The following NME7 variants were observed in gnomAD, a reference collection of about 807,000 sequenced individuals.
NME7 encodes the protein NME/NM23 family member 7, also known as nucleoside diphosphate kinase 7.
Under a neutral mutation model 49.1 loss-of-function variants are expected in NME7, and 41 were observed. The ratio of observed to expected loss-of-function variants is 0.83; its 90% CI spans 0.65 to 1.08. NME7 has a LOEUF of 1.08. Among genes scored for constraint, NME7 ranks in the 50% least tolerant of loss-of-function variants. The probability of loss-of-function intolerance (pLI) is 0.00; values close to 1 mark genes in which losing one functional copy is unlikely to be tolerated. For synonymous variants in NME7, 139 were observed against 150.6 expected (o/e 0.92, Z 0.56); for missense variants, 423 against 463.4 (o/e 0.91, Z 0.80).
chr1:169,245,222 C>T (rs1648261826), intron 7 of NME7, among the ~76,000 whole-genome samples: 2 of 152,008 alleles, frequency 1.3e-5, no homozygotes, highest in South Asian at 2.1e-4. Flanking sequence ...GCCAATGAGC[C>T]CCTTACACTG....
chr1:169,136,155 T>C (rs1658423193), intron 11 of NME7, among the ~76,000 whole-genome samples: 1 of 152,068 alleles, frequency 6.6e-6, no homozygotes, highest in Non-Finnish European at 1.5e-5. Context: ...TGGTCTGTCT[T>C]TTGGAGTGCT....
chr1:169,236,236 C>T (rs1033077451), intron 8 of NME7, among the ~76,000 whole-genome samples: 2 of 152,082 alleles, frequency 1.3e-5, no homozygotes, highest in African/African-American at 2.4e-5. Context: ...TTTATTTAAT[C>T]TGCTGAGTAA....
intron 11 of NME7, among the ~76,000 whole-genome samples, chr1:169,159,432 CTATT>C (rs1659177626): frequency 6.6e-6 from 1 of 152,128 alleles, no homozygotes; most frequent in Admixed American, 6.5e-5. Flanking sequence ...TTTAAGGTCT[CTATT>C]TACTAGTGAC....
chr1:169,184,615 T>A (rs957838849), intron 10 of NME7, among the ~76,000 whole-genome samples: 4 of 152,230 alleles, frequency 2.6e-5, no homozygotes, highest in Non-Finnish European at 4.4e-5. Context: ...GGTCATTACC[T>A]AATTTGTTGA....
chr1:169,168,798 G>A (rs1659491587), intron 11 of NME7: 1 of 450,494 alleles, frequency 2.2e-6, no homozygotes, highest in South Asian at 1.6e-5. Flanking sequence ...TATATGTTAT[G>A]CACTCATAAT....
intron 10 of NME7, among the ~76,000 whole-genome samples, chr1:169,229,934 A>G (rs143415954): frequency 4.6e-5 from 7 of 151,934 alleles, no homozygotes; most frequent in East Asian, 3.9e-4. Context: ...TGCACTCTAC[A>G]CTGGGCAACA....
At chr1:169,299,756 C>A (rs945671309) in intron 5 of NME7, among the ~76,000 whole-genome samples, 1 of 151,998 alleles carries the variant, frequency 6.6e-6, no homozygotes, top group Non-Finnish European at 1.5e-5. Flanking sequence ...ACAGCATGTA[C>A]AAAAAAGTAT....
At chr1:169,184,881 C>T (rs1223941317) in intron 10 of NME7, among the ~76,000 whole-genome samples, 1 of 152,092 alleles carries the variant, frequency 6.6e-6, no homozygotes, top group Non-Finnish European at 1.5e-5. Context: ...AATATTCCTA[C>T]CAAGGCAGAG....
At chr1:169,294,030 T>C (rs909440118) in intron 6 of NME7, among the ~76,000 whole-genome samples, 4 of 152,142 alleles carry the variant, frequency 2.6e-5, no homozygotes, top group African/African-American at 9.6e-5. Flanking sequence ...TGTATACTAA[T>C]ATTACATCCA....
At chr1:169,134,850 G>C (rs1436498532) in intron 11 of NME7, among the ~76,000 whole-genome samples, 1 of 151,690 alleles carries the variant, frequency 6.6e-6, no homozygotes, top group Non-Finnish European at 1.5e-5. Context: ...AGTGATAAAT[G>C]GTTGGCTAAA....
At chr1:169,184,228 G>A (rs1200073) in intron 10 of NME7, among the ~76,000 whole-genome samples, 3,130 of 151,722 alleles carry the variant, frequency 0.021, 109 homozygotes, top group African/African-American at 0.072. Flanking sequence ...GTAGTGTTCA[G>A]AATGTATTAT....
At chr1:169,334,849 G>A (rs866202250) in intron 1 of NME7, among the ~76,000 whole-genome samples, 9 of 151,766 alleles carry the variant, frequency 5.9e-5, no homozygotes, top group South Asian at 2.1e-4. Flanking sequence ...AATTTACAAG[G>A]AACTTAAACA....
At chr1:169,226,670 T>G (rs1647354405) in intron 10 of NME7, among the ~76,000 whole-genome samples, 1 of 152,186 alleles carries the variant, frequency 6.6e-6, no homozygotes. Context: ...CATTCAAAAG[T>G]TCATTAACTT....
intron 10 of NME7, among the ~76,000 whole-genome samples, chr1:169,211,133 G>A (rs1037145149): frequency 4.8e-4 from 73 of 151,978 alleles, no homozygotes; most frequent in African/African-American, 1.6e-3. Flanking sequence ...TTGGAAGACT[G>A]TATGAGAGGA....
chr1:169,279,076 A>G (rs565881039), intron 7 of NME7, among the ~76,000 whole-genome samples: 15 of 152,222 alleles, frequency 9.9e-5, no homozygotes, highest in African/African-American at 3.6e-4. Flanking sequence ...TGGCCGTGTG[A>G]GGTGTCAGTC....
intron 11 of NME7, among the ~76,000 whole-genome samples, chr1:169,138,297 C>T (rs762309736): frequency 5.5e-5 from 8 of 146,528 alleles, no homozygotes; most frequent in Admixed American, 4.1e-4. Context: ...GGTGACAGGG[C>T]GAGACTCCTC....
intron 7 of NME7, chr1:169,286,165 T>C (rs895203201): frequency 5.3e-5 from 8 of 152,112 alleles, no homozygotes; most frequent in African/African-American, 1.7e-4. Context: ...ATTACATTCA[T>C]GTGTAGCAGT....
At chr1:169,244,857 G>C (rs549940109) in intron 7 of NME7, among the ~76,000 whole-genome samples, 15 of 152,088 alleles carry the variant, frequency 9.9e-5, no homozygotes, top group African/African-American at 3.4e-4. Flanking sequence ...ACCTGGGTGC[G>C]GTGGCTCATG....
intron 11 of NME7, among the ~76,000 whole-genome samples, chr1:169,137,044 A>G (rs1435310175): frequency 6.6e-6 from 1 of 152,246 alleles, no homozygotes; most frequent in Non-Finnish European, 1.5e-5. Flanking sequence ...CTGTGTCACT[A>G]CACTAGATTT....
Sources: gnomAD v4.1 joint callset for allele counts (sites outside exome capture counted in the v4.1 genomes callset) on GRCh38, gnomAD v4.1.1 for gene constraint, MANE v1.5 for transcripts, NCBI Gene and HGNC (gene_info 2026-07-23, HGNC 2026-07-21) for gene names.